PRKAR1B: variants seen among roughly 807,000 people sequenced by gnomAD.
The protein encoded by PRKAR1B is cAMP-dependent protein kinase type I-beta regulatory subunit.
In PRKAR1B, 22 loss-of-function variants were observed where a neutral mutation model predicts 46.5. The ratio of observed to expected loss-of-function variants is 0.47; its 90% CI spans 0.34 to 0.68. The LOEUF (loss-of-function observed/expected upper bound fraction) is 0.68. PRKAR1B is among the 30% of genes least tolerant of loss of function. The pLI, the probability that PRKAR1B is intolerant of heterozygous loss-of-function variation, is 0.01. For synonymous variants in PRKAR1B, 259 were observed against 217.7 expected, an observed-to-expected ratio of 1.19 and a Z score of -1.67; for missense variants, 445 against 535.6, an observed-to-expected ratio of 0.83 and a Z score of 1.67.
Position 667,846 on chromosome 7 carries a change from G to A in PRKAR1B, c.440+9383C>T, listed in dbSNP as rs950763480. On this transcript the variant is annotated intron_variant, in intron 4 of 10. Coordinates refer to ENST00000537384, the MANE Select transcript of PRKAR1B (RefSeq NM_001164760.2). The surrounding 1 kb of genome is among the most constrained non-coding windows in gnomAD (Gnocchi z 4.3). ...AGGCCCAGGGAAACCCTTCGATCAA[G>A]GCCAACTAGCAATACCACCATCCTA... 6.6e-6 allele frequency among the ~76,000 whole-genome samples: 1 copy of A among 152,180 alleles called. No homozygotes were observed. The highest frequency in any genetic ancestry group is 6.5e-5 in the Admixed American group (1 of 15,278).
chr7:711,108 G>C (rs979905295), intron 2 of PRKAR1B, among the ~76,000 whole-genome samples: 1 of 152,198 alleles, frequency 6.6e-6, no homozygotes, highest in Non-Finnish European at 1.5e-5. Context: ...GTGGCTCAGA[G>C]GACCCCACCT....
At chr7:697,269 G>A (rs962300815) in intron 2 of PRKAR1B, among the ~76,000 whole-genome samples, 1 of 152,124 alleles carries the variant, frequency 6.6e-6, no homozygotes, top group African/African-American at 2.4e-5. Context: ...GGGTGGGGGT[G>A]GAATCTAAAG....
chr7:645,821 C>T (rs959366447), intron 4 of PRKAR1B, among the ~76,000 whole-genome samples: 2 of 152,076 alleles, frequency 1.3e-5, no homozygotes, highest in African/African-American at 2.4e-5. Context: ...GCTCCCTGAG[C>T]CCCAGGGAGT....
At position 616,676 on chromosome 7, in the gene PRKAR1B, T is replaced by C. The variant is rs535706105; in HGVS notation, c.441-9224A>G. 1.1e-4 allele frequency among the ~76,000 whole-genome samples: 16 copies of C among 152,352 alleles called. No homozygotes were observed. The East Asian group carries it at 3.1e-3, about 29-fold the overall frequency. The stretch of plus-strand genomic sequence containing the variant: ...AGGGTCCGTCGGCCTCCCTCCCTGC[T>C]GACGGCTACAACTTCACAGCCCAGC... On this transcript the variant is annotated intron_variant, in intron 4 of 10. Coordinates refer to ENST00000537384, the MANE Select transcript of PRKAR1B (RefSeq NM_001164760.2).
intron 2 of PRKAR1B, among the ~76,000 whole-genome samples, chr7:708,949 C>T (rs1367963673): frequency 2.6e-5 from 4 of 151,566 alleles, no homozygotes; most frequent in African/African-American, 9.7e-5. Context: ...CGTGCCACCA[C>T]ACCCGGCTAA....
chr7:680,516 G>A (rs758355965), intron 3 of PRKAR1B, 40 bp downstream of exon 3: 56 of 1,558,508 alleles, frequency 3.6e-5, no homozygotes, highest in South Asian at 1.4e-4. Flanking sequence ...GCCACGTGCC[G>A]AGGCCTGGGG....
chr7:706,438 T>A (rs897766599), intron 2 of PRKAR1B, among the ~76,000 whole-genome samples: 19 of 145,720 alleles, frequency 1.3e-4, no homozygotes, highest in African/African-American at 4.5e-4. Context: ...TTTTTTTTTT[T>A]TTTGAGACGG....
At chr7:686,931 C>T (rs1041277760) in intron 2 of PRKAR1B, among the ~76,000 whole-genome samples, 1 of 152,106 alleles carries the variant, frequency 6.6e-6, no homozygotes. Flanking sequence ...GTAAATCCTC[C>T]AGATTTTGTG....
rs550372712 is a variant in PRKAR1B, at chr7:573,564, C to T, written c.891+5692G>A. ...GTAGAACCTCCGGGAAGCAGCTGTT[C>T]CCAACACAAAACCACACTGCCGGAG... On this transcript the variant is annotated intron_variant, in intron 9 of 10. Transcript: ENST00000537384. 2.0e-5 allele frequency among the ~76,000 whole-genome samples: 3 copies of T among 152,312 alleles called. No individual in the cohort carries two copies. In the East Asian group the frequency reaches 5.8e-4, roughly 29 times the overall value.
chr7:650,275 G>C (rs1005727189), intron 4 of PRKAR1B, among the ~76,000 whole-genome samples: 13 of 152,160 alleles, frequency 8.5e-5, no homozygotes, highest in Non-Finnish European at 1.8e-4. Flanking sequence ...TGGGACTGTG[G>C]ACCCTGTCTG....
intron 9 of PRKAR1B, among the ~76,000 whole-genome samples, chr7:553,640 G>T (rs1324678015): frequency 6.6e-6 from 1 of 152,208 alleles, no homozygotes; most frequent in Non-Finnish European, 1.5e-5. Context: ...TTCATTTCAA[G>T]GTGGGCTCGG....
In PRKAR1B at chr7:726,414, C is replaced by T. The variant is rs569567446; in HGVS notation, c.-23+796G>A. ...TCTCCAAGCCCCCTAGGCTGCAGGG[C>T]AGGCTTCCCTAGGGGCAGGCCCAGG... On this transcript the variant is annotated intron_variant, in intron 1 of 10. Coordinates refer to ENST00000537384, the MANE Select transcript of PRKAR1B (RefSeq NM_001164760.2). 2.6e-5 allele frequency among the ~76,000 whole-genome samples: 4 copies of T among 152,290 alleles called. No individual in the cohort carries two copies. In the South Asian group the frequency reaches 6.2e-4, roughly 24 times the overall value.
At position 680,626 on chromosome 7, in the gene PRKAR1B, G is replaced by A; in HGVS notation, c.278C>T (p.Ala93Val). Residue 93 changes from alanine to valine, a missense_variant, in exon 3 of 11, where the codon GCC becomes GTC. Coordinates refer to ENST00000537384, the MANE Select transcript of PRKAR1B (RefSeq NM_001164760.2). ...SPTPPNPVVK[A>V]RRRRGGVSAE... ...ACTCACGCCTCCTCGCCGGCGGCGG[G>A]CCTTCACCACAGGGTTCGGGGGGGT... 1 of 1,613,174 alleles carries A rather than the reference G, an allele frequency of 6.2e-7. No individual in the cohort carries two copies. Among genetic ancestry groups the A allele is most frequent in the Non-Finnish European group, 8.5e-7 (1 of 1,179,794 alleles).
intron 5 of PRKAR1B, among the ~76,000 whole-genome samples, chr7:606,831 T>C (rs886649925): frequency 5.9e-5 from 9 of 152,094 alleles, no homozygotes; most frequent in African/African-American, 2.2e-4. Flanking sequence ...TACATATGTA[T>C]ATATTTTATA....
At chr7:658,636 C>T (rs939995857) in intron 4 of PRKAR1B, among the ~76,000 whole-genome samples, 20 of 151,996 alleles carry the variant, frequency 1.3e-4, no homozygotes, top group African/African-American at 1.7e-4. Context: ...AAGTTTTCCA[C>T]GATAAAATGT....
chr7:589,603 C>G (rs1337855425), intron 7 of PRKAR1B, among the ~76,000 whole-genome samples: 1 of 152,176 alleles, frequency 6.6e-6, no homozygotes, highest in Non-Finnish European at 1.5e-5. Context: ...CCTATGCCCA[C>G]CGAGCTGCTA....
At chr7:584,839 G>T (rs1207799129) in intron 7 of PRKAR1B, among the ~76,000 whole-genome samples, 1 of 152,136 alleles carries the variant, frequency 6.6e-6, no homozygotes, top group African/African-American at 2.4e-5. Context: ...ACCCAGCCAG[G>T]ACCCGTGGTA....
intron 4 of PRKAR1B, among the ~76,000 whole-genome samples, chr7:615,007 G>A (rs1223824424): frequency 6.6e-6 from 1 of 152,068 alleles, no homozygotes; most frequent in Non-Finnish European, 1.5e-5. Flanking sequence ...AGCCCAGGAG[G>A]TTGAGGCTGC....
intron 4 of PRKAR1B, among the ~76,000 whole-genome samples, chr7:625,393 G>C (rs887764001): frequency 2.6e-5 from 4 of 152,130 alleles, no homozygotes; most frequent in Admixed American, 6.5e-5. Flanking sequence ...AAAAAGAAAA[G>C]TAAGAATAAA....
Sources: gnomAD v4.1 joint callset for allele counts (sites outside exome capture counted in the v4.1 genomes callset) on GRCh38, gnomAD v4.1.1 for gene constraint, Gnocchi (gnomAD v3.1) non-coding constraint, MANE v1.5 for transcripts, NCBI Gene and HGNC (gene_info 2026-07-23, HGNC 2026-07-21) for gene names.